The following ITPR2 variants were observed in gnomAD, a reference collection of about 807,000 sequenced individuals.
ITPR2 encodes inositol 1,4,5-trisphosphate-gated calcium channel ITPR2.
In ITPR2, 207 loss-of-function variants were observed where a neutral mutation model predicts 317.1. The ratio of observed to expected loss-of-function variants is 0.65; its 90% CI spans 0.58 to 0.73. ITPR2 has a LOEUF of 0.73. Among genes scored for constraint, ITPR2 ranks in the 30% least tolerant of loss-of-function variants. ITPR2 has a pLI of 0.00. For synonymous variants in ITPR2, 1,156 were observed against 1,149.1 expected, an observed-to-expected ratio of 1.01 and a Z score of -0.12; for missense variants, 2,613 against 3,284.0, an observed-to-expected ratio of 0.80 and a Z score of 4.99.
intron 55 of ITPR2, among the ~76,000 whole-genome samples, chr12:26,353,817 A>G (rs1265428436): frequency 1.3e-5 from 2 of 152,126 alleles, no homozygotes; most frequent in Non-Finnish European, 2.9e-5. Flanking sequence ...AGGAATAAGT[A>G]CTCATATGCA....
rs560229253 is a variant in ITPR2 at position 26,504,292 on chromosome 12, A to G, written c.5074-9032T>C. On this transcript the variant is annotated intron_variant, in intron 37 of 56. Coordinates refer to ENST00000381340, the MANE Select transcript of ITPR2 (RefSeq NM_002223.4). ...AGGCTGTGCTTCCTAACACATATCCATATGTCTCTCCATATCCACAGGATG... is the reference window on the plus strand; with the variant it reads ...AGGCTGTGCTTCCTAACACATATCCGTATGTCTCTCCATATCCACAGGATG... Among the ~76,000 whole-genome samples, 8 of 152,282 alleles carry G rather than the reference A, an allele frequency of 5.3e-5. No individual in the cohort carries two copies. The East Asian group carries it at 1.5e-3, about 29-fold the overall frequency.
At chr12:26,483,984 T>C (rs1484615488) in intron 41 of ITPR2, 86 bp from the exon 42 acceptor site, 18 of 1,141,522 alleles carry the variant, frequency 1.6e-5, no homozygotes, top group Non-Finnish European at 2.2e-5. Flanking sequence ...TGTGCTTTTC[T>C]AACTTTTCTT....
intron 10 of ITPR2, among the ~76,000 whole-genome samples, chr12:26,688,746 T>A (rs1480901240): frequency 6.6e-6 from 1 of 151,336 alleles, no homozygotes; most frequent in African/African-American, 2.4e-5. Context: ...CCTCTAAGAG[T>A]AAATAAAAAC....
chr12:26,666,661 C>T (rs1947638854), intron 13 of ITPR2, among the ~76,000 whole-genome samples: 1 of 152,164 alleles, frequency 6.6e-6, no homozygotes, highest in African/African-American at 2.4e-5. Flanking sequence ...AGTAAGCAAT[C>T]TGACACTCAA....
intron 2 of ITPR2, among the ~76,000 whole-genome samples, chr12:26,777,582 A>T (rs1249152533): frequency 6.7e-6 from 1 of 149,532 alleles, no homozygotes; most frequent in Non-Finnish European, 1.5e-5. Flanking sequence ...GAGCTCTGAC[A>T]TTGGCTAATT....
chr12:26,486,885 T>C, intron 40 of ITPR2, 183 bp downstream of exon 40: 1 of 703,242 alleles, frequency 1.4e-6, no homozygotes, highest in Non-Finnish European at 2.6e-6. Flanking sequence ...ATGTCTCATT[T>C]AAGTTTAGTC....
chr12:26,394,163 A>G (rs1381268090), intron 54 of ITPR2, among the ~76,000 whole-genome samples: 2 of 152,144 alleles, frequency 1.3e-5, no homozygotes, highest in Non-Finnish European at 2.9e-5. Context: ...TATATTCCTC[A>G]TTTTCCAGGT....
At chr12:26,475,250 G>C (rs755006469) in intron 45 of ITPR2, 46 bp downstream of exon 45, 1 of 1,606,360 alleles carries the variant, frequency 6.2e-7, no homozygotes, top group East Asian at 2.2e-5. Context: ...TACAAAACAC[G>C]ATTGATAGGA....
intron 26 of ITPR2, among the ~76,000 whole-genome samples, chr12:26,615,768 A>C (rs1946359858): frequency 6.6e-6 from 1 of 152,220 alleles, no homozygotes; most frequent in African/African-American, 2.4e-5. Flanking sequence ...TGGAGTAAAA[A>C]CTAATAGAAA....
intron 2 of ITPR2, among the ~76,000 whole-genome samples, chr12:26,762,053 GA>G (rs1232041041): frequency 6.6e-6 from 1 of 151,020 alleles, no homozygotes; most frequent in Non-Finnish European, 1.5e-5. Flanking sequence ...AGAAACATGA[GA>G]AAAAAAGAAT....
chr12:26,499,090 T>A (rs1045578050), intron 37 of ITPR2, among the ~76,000 whole-genome samples: 1 of 152,180 alleles, frequency 6.6e-6, no homozygotes, highest in Non-Finnish European at 1.5e-5. Flanking sequence ...AATAGAAAAC[T>A]TTTTTACCAT....
chr12:26,800,970 G>A (rs1304949106), intron 1 of ITPR2: 1 of 168,524 alleles, frequency 5.9e-6, no homozygotes, highest in East Asian at 1.7e-4. Flanking sequence ...TCCTCCCAGG[G>A]ACAGGAGGTA....
rs1324764370 is a variant in ITPR2 at position 26,656,384 on chromosome 12, T to C, written c.2357A>G (p.His786Arg). ...ASFCRLMLHM[H>R]VDRDPQESVV... ...GGACTCCTGGGGATCCCGGTCAACG[T>C]GCATGTGGAGCATGAGGCGACAGAA... is the stretch of plus-strand genomic sequence containing the variant. Residue 786 changes from histidine to arginine, a missense_variant, in exon 19 of 57, where the codon CAC (histidine) becomes CGC (arginine). Physicochemically the swap from His to Arg is conservative, Grantham distance 29. Coordinates refer to ENST00000381340, the MANE Select transcript of ITPR2 (RefSeq NM_002223.4). 6.2e-7 allele frequency: 1 copy of C among 1,614,152 alleles called. No homozygotes were observed. The highest frequency in any genetic ancestry group is 2.2e-5 in the East Asian group (1 of 44,880).
At chr12:26,821,050 T>C (rs1160131084) in intron 1 of ITPR2, among the ~76,000 whole-genome samples, 1 of 152,230 alleles carries the variant, frequency 6.6e-6, no homozygotes, top group Non-Finnish European at 1.5e-5. Context: ...GTTCTGGAAA[T>C]GCAGAGCAGT....
Position 26,387,592 on chromosome 12 carries a change from G to C in ITPR2, c.7699C>G (p.Leu2567Val). Residue 2567 changes from leucine to valine, a missense_variant and splice_region_variant, in exon 55 of 57, where the codon CTT becomes GTT. By Grantham distance (32) the Leu-to-Val change is conservative (BLOSUM62 1). Coordinates refer to ENST00000381340, the MANE Select transcript of ITPR2 (RefSeq NM_002223.4). ...ILKTTCFICG[L>V]ERDKFDNKTV... is the part of the protein sequence containing the mutation. ...TTATTATCAAACTTGTCTCTCTCAA[G>C]TCCTGAAAAACACAGGCAACACAAT... 6.2e-7 allele frequency: 1 copy of C among 1,612,884 alleles called. No homozygotes were observed. Among genetic ancestry groups the C allele is most frequent in the Middle Eastern group, 1.7e-4 (1 of 6,008 alleles).
intron 4 of ITPR2, among the ~76,000 whole-genome samples, chr12:26,723,687 G>A (rs2344500): frequency 0.42 from 64,589 of 151,992 alleles, 14,350 homozygotes; most frequent in Non-Finnish European, 0.5. Context: ...CCATTGGCCA[G>A]TAACAAAATA....
At chr12:26,463,394 C>T (rs1305611866) in intron 45 of ITPR2, among the ~76,000 whole-genome samples, 1 of 152,050 alleles carries the variant, frequency 6.6e-6, no homozygotes, top group African/African-American at 2.4e-5. Context: ...TGGCCGGGCT[C>T]GGTGGCTCAC....
chr12:26,561,726 T>C (rs751902621), intron 35 of ITPR2, 36 bp downstream of exon 35: 9 of 1,430,632 alleles, frequency 6.3e-6, no homozygotes, highest in Non-Finnish European at 7.4e-6. Context: ...AAATATAATT[T>C]AGAAAATATT....
chr12:26,558,753 C>A (rs1201702102), intron 35 of ITPR2, among the ~76,000 whole-genome samples: 4 of 152,170 alleles, frequency 2.6e-5, no homozygotes, highest in African/African-American at 9.7e-5. Context: ...TATGTTGGAA[C>A]TCCCACATTT....
Sources: gnomAD v4.1 joint callset for allele counts (sites outside exome capture counted in the v4.1 genomes callset) on GRCh38, gnomAD v4.1.1 for gene constraint, MANE v1.5 for transcripts, NCBI Gene and HGNC (gene_info 2026-07-23, HGNC 2026-07-21) for gene names.